Variants in DLEC1 observed in about 807,000 individuals in gnomAD.
The protein encoded by DLEC1 is deleted in lung and esophageal cancer protein 1.
Under a neutral mutation model 198.1 loss-of-function variants are expected in DLEC1, and 146 were observed. That is an observed-to-expected ratio of 0.74 (90% CI 0.64 to 0.85). The LOEUF (loss-of-function observed/expected upper bound fraction) is 0.85, where lower values mean the gene tolerates loss of function less well. Among genes scored for constraint, DLEC1 ranks in the 40% least tolerant of loss-of-function variants. DLEC1 has a pLI of 0.00. For missense variants in DLEC1, 2,233 were observed against 2,220.0 expected, an observed-to-expected ratio of 1.01 and a Z score of -0.12; for synonymous variants, 897 against 866.8, an observed-to-expected ratio of 1.03 and a Z score of -0.61.
chr3:38,043,014 G>C (rs1418692229), intron 1 of DLEC1, among the ~76,000 whole-genome samples: 2 of 152,168 alleles, frequency 1.3e-5, no homozygotes, highest in East Asian at 3.9e-4. Context: ...TATTCCGTAT[G>C]AGTGTCTGCA....
chr3:38,085,559 G>A, intron 8 of DLEC1, 112 bp downstream of exon 8: 1 of 1,359,816 alleles, frequency 7.4e-7, no homozygotes, highest in Non-Finnish European at 1.0e-6. Flanking sequence ...GCTCTCTTGG[G>A]CAGGGGCCGT....
chr3:38,077,469 G>T (rs1219112206), intron 6 of DLEC1, among the ~76,000 whole-genome samples: 1 of 152,190 alleles, frequency 6.6e-6, no homozygotes, highest in South Asian at 2.1e-4. Context: ...TTTTTAAGTT[G>T]GTGGCTGAGC....
At chr3:38,083,104 C>T (rs921283979) in intron 6 of DLEC1, among the ~76,000 whole-genome samples, 8 of 151,502 alleles carry the variant, frequency 5.3e-5, no homozygotes, top group East Asian at 1.9e-4. Context: ...AAAAAGAGGC[C>T]GCTTACCGGA....
Position 38,097,769 on chromosome 3 carries a change from C to T in DLEC1, c.2591C>T (p.Ser864Leu). ...GGGCCTGCCCTCATCATCAACGTCT[C>T]AGCCCTTCAGTTTGGTCTGCTCCGC... Reference protein sequence around the residue: ...FKGPALIINVSALQFGLLRLG... With the variant: ...FKGPALIINVLALQFGLLRLG... Residue 864 changes from serine (S) to leucine (L), a missense_variant, in exon 18 of 37, where the codon TCA (serine) becomes TTA (leucine). Physicochemically the swap from Ser to Leu is moderately radical, Grantham distance 145. Coordinates refer to ENST00000308059, the MANE Select transcript of DLEC1 (RefSeq NM_007335.4). 1 of 1,614,164 alleles carries T rather than the reference C, an allele frequency of 6.2e-7. No individual in the cohort carries two copies. The highest frequency in any genetic ancestry group is 1.1e-5 in the South Asian group (1 of 91,088).
chr3:38,068,810 G>C (rs1435535404), intron 6 of DLEC1, among the ~76,000 whole-genome samples: 1 of 152,162 alleles, frequency 6.6e-6, no homozygotes, highest in Non-Finnish European at 1.5e-5. Flanking sequence ...TTCACTCCAG[G>C]AAAACCAAAA....
intron 7 of DLEC1, 151 bp from the exon 8 acceptor site, chr3:38,085,123 C>T (rs919475301): frequency 1.2e-4 from 98 of 793,944 alleles, no homozygotes; most frequent in Non-Finnish European, 1.9e-4. Flanking sequence ...CTGCTCCCCT[C>T]GCATGCCCTT....
Position 38,084,145 on chromosome 3 carries a change from TA to T in DLEC1, c.1174-12del. Reference sequence around the variant, plus strand: ...TGTTGCTGTCTAAAAGAGATCATCTTACCTTTCAACAGATGGTAATTGCGCT... The same window carrying T: ...TGTTGCTGTCTAAAAGAGATCATCTTCCTTTCAACAGATGGTAATTGCGCT... On this transcript the variant is annotated splice_polypyrimidine_tract_variant and intron_variant, in intron 6 of 36. Coordinates refer to ENST00000308059, the MANE Select transcript of DLEC1 (RefSeq NM_007335.4). 6.2e-7 allele frequency: 1 copy of T among 1,611,758 alleles called. No individual in the cohort carries two copies. Among genetic ancestry groups the T allele is most frequent in the Non-Finnish European group, 8.5e-7 (1 of 1,178,266 alleles).
At chr3:38,075,639 CA>C (rs2125643830) in intron 6 of DLEC1, among the ~76,000 whole-genome samples, 1 of 151,472 alleles carries the variant, frequency 6.6e-6, no homozygotes, top group South Asian at 2.1e-4. Context: ...GGTTGGGGCA[CA>C]GAGATAAGAG....
rs1240022263 is a variant in DLEC1 at position 38,123,415 on chromosome 3, C to T, written c.*1003C>T. ...CCCTCCCCAGGGATCGATCATAATC[C>T]CAAAAGACACAATCCCAAACACAAT... On this transcript the variant is annotated 3_prime_UTR_variant, in exon 37 of 37. Transcript: ENST00000308059. The T allele has an allele frequency of 9.1e-6, 3 of 328,182 alleles. No homozygotes were observed. In the East Asian group the frequency reaches 1.7e-4, roughly 18 times the overall value. 20.3% of individuals were successfully genotyped at this position (328,182 alleles called of 1,614,324 possible).
chr3:38,072,732 G>T (rs903105736), intron 6 of DLEC1, among the ~76,000 whole-genome samples: 1 of 152,022 alleles, frequency 6.6e-6, no homozygotes, highest in East Asian at 1.9e-4. Flanking sequence ...TGTAGAAGGG[G>T]TTGGGGTTTG....
In DLEC1 at chr3:38,039,528, C is replaced by T. The variant is rs1700552338; in HGVS notation, c.303C>T (p.Arg101=). 1 of 1,614,068 alleles carries T rather than the reference C, an allele frequency of 6.2e-7. No individual in the cohort carries two copies. The highest frequency in any genetic ancestry group is 8.5e-7 in the Non-Finnish European group (1 of 1,179,938). The change falls in exon 1 of 37, where the codon CGC becomes CGT. Residue 101 remains arginine (R), a synonymous_variant. Coordinates refer to ENST00000308059, the MANE Select transcript of DLEC1 (RefSeq NM_007335.4). ...CGCACTTGCTCACCGGCGTCTTCCG[C>T]AACTTGTACTCAGCCGAGGTCATCG... ...DISHLLTGVF[R]NLYSAEVIGD... is the part of the protein sequence containing the mutation.
In DLEC1 at chr3:38,063,991, AT is replaced by A. The variant is rs1261043151; in HGVS notation, c.1173+76del. ...TTTTTAAAAAGTCTTTATTATGGAAATTTTCTTTTTTTTTTCTTTTTTTTTT... is the reference window on the plus strand; with the variant it reads ...TTTTTAAAAAGTCTTTATTATGGAAATTTCTTTTTTTTTTCTTTTTTTTTT... On this transcript the variant is annotated intron_variant, in intron 6 of 36. Transcript: ENST00000308059. 6.3e-4 allele frequency: 568 copies of A among 906,240 alleles called. 2 individuals are homozygous for A. The African/African-American group carries it at 0.01, about 16-fold the overall frequency. The allele number at this position is 906,240 out of a possible 1,614,324, so 56.1% of individuals were successfully genotyped here.
intron 34 of DLEC1, 95 bp downstream of exon 34, chr3:38,120,704 C>T (rs1445578725): frequency 2.6e-6 from 4 of 1,517,974 alleles, no homozygotes; most frequent in Admixed American, 2.0e-5. Flanking sequence ...GCAGGGCCCT[C>T]AGAAATAAGG....
chr3:38,098,225 A>G (rs905455905), intron 18 of DLEC1, among the ~76,000 whole-genome samples: 1 of 152,130 alleles, frequency 6.6e-6, no homozygotes, highest in African/African-American at 2.4e-5. Flanking sequence ...GGAAGCCTCC[A>G]AGGCTGCTGC....
chr3:38,113,232 C>G (rs533302588), intron 25 of DLEC1, among the ~76,000 whole-genome samples: 1 of 152,236 alleles, frequency 6.6e-6, no homozygotes, highest in African/African-American at 2.4e-5. Flanking sequence ...GACACATTAG[C>G]GAGGTTTAAA....
intron 6 of DLEC1, among the ~76,000 whole-genome samples, chr3:38,072,136 C>T (rs570129144): frequency 2.3e-4 from 35 of 152,196 alleles, no homozygotes; most frequent in African/African-American, 7.5e-4. Context: ...TCATGAGGGT[C>T]AGGTGTGGTA....
At chr3:38,055,674 TAGGCAGATGAACAGAGC>T (rs1300484217) in intron 2 of DLEC1, among the ~76,000 whole-genome samples, 3 of 151,988 alleles carry the variant, frequency 2.0e-5, no homozygotes, top group African/African-American at 7.3e-5. Flanking sequence ...GATTCTGAGA[TAGGCAGATGAACAGAGC>T]AGTCAGTGAA....
At chr3:38,050,995 C>T (rs1324841527) in intron 2 of DLEC1, among the ~76,000 whole-genome samples, 1 of 151,716 alleles carries the variant, frequency 6.6e-6, no homozygotes, top group Admixed American at 6.6e-5. Flanking sequence ...GCAACCTCCA[C>T]CTCCCAAGGG....
At chr3:38,108,153 G>C (rs1306435236) in intron 20 of DLEC1, among the ~76,000 whole-genome samples, 1 of 152,080 alleles carries the variant, frequency 6.6e-6, no homozygotes, top group East Asian at 2.0e-4. Flanking sequence ...CCATCCCTCG[G>C]GGCCTTCAAG....
Sources: gnomAD v4.1 joint callset for allele counts (sites outside exome capture counted in the v4.1 genomes callset) on GRCh38, gnomAD v4.1.1 for gene constraint, MANE v1.5 for transcripts, NCBI Gene and HGNC (gene_info 2026-07-23, HGNC 2026-07-21) for gene names.